Variants in KLHL4 observed in about 807,000 individuals in gnomAD.
KLHL4 encodes the protein kelch-like protein 4.
A neutral mutation model predicts 45.8 loss-of-function variants in KLHL4; 17 were observed. The ratio of observed to expected loss-of-function variants is 0.37; its 90% CI spans 0.25 to 0.56. The LOEUF (loss-of-function observed/expected upper bound fraction) is 0.56. Ranked by LOEUF, KLHL4 falls within the 20% of genes least tolerant of loss-of-function variation. KLHL4 has a pLI of 0.79. For missense variants in KLHL4, 544 were observed against 544.9 expected, an observed-to-expected ratio of 1.00 and a Z score of 0.02; for synonymous variants, 224 against 189.9, an observed-to-expected ratio of 1.18 and a Z score of -1.47.
chrX:87,574,700 T>G (rs370759461), intron 1 of KLHL4, among the ~76,000 whole-genome samples: 1 of 111,688 alleles, frequency 9.0e-6, no homozygotes, highest in East Asian at 2.8e-4. Flanking sequence ...GTGTGTGTAA[T>G]GACTGGAATT....
At chrX:87,625,172 A>G (rs963863315) in intron 5 of KLHL4, among the ~76,000 whole-genome samples, 6 of 112,815 alleles carry the variant, frequency 5.3e-5, no homozygotes, top group African/African-American at 1.9e-4. Context: ...TGTCAATTGA[A>G]TAAATATGCA....
chrX:87,638,892 T>C (rs181572635), intron 9 of KLHL4, among the ~76,000 whole-genome samples: 1 of 111,595 alleles, frequency 9.0e-6, no homozygotes, highest in East Asian at 2.8e-4. Context: ...ACTTAAAAGA[T>C]GTAGAATGGC....
At chrX:87,612,114 G>T (rs968066701) in intron 1 of KLHL4, among the ~76,000 whole-genome samples, 1 of 111,746 alleles carries the variant, frequency 8.9e-6, no homozygotes, top group African/African-American at 3.2e-5. Context: ...TATTATTAAA[G>T]AAAAAGTATT....
Position 87,659,413 on chromosome X carries a change from C to T in KLHL4, c.1926-5351C>T, listed in dbSNP as rs546477460. On this transcript the variant is annotated intron_variant, in intron 9 of 10. Coordinates refer to ENST00000373119, the MANE Select transcript of KLHL4 (RefSeq NM_019117.5). Reference sequence around the variant, plus strand: ...GATTACAGGCATGAGCCAACATGCCCGGCCTCATTTTTCTTTATTCTTTTT... The same window carrying T: ...GATTACAGGCATGAGCCAACATGCCTGGCCTCATTTTTCTTTATTCTTTTT... 1.2e-4 allele frequency among the ~76,000 whole-genome samples: 13 copies of T among 110,414 alleles called. No individual in the cohort carries two copies. In the East Asian group the frequency reaches 1.4e-3, roughly 12 times the overall value.
intron 1 of KLHL4, among the ~76,000 whole-genome samples, chrX:87,541,211 G>A (rs1159720791): frequency 9.1e-6 from 1 of 109,307 alleles, no homozygotes; most frequent in East Asian, 2.9e-4. Flanking sequence ...TTTTGGCCAG[G>A]CACGGTGGTT....
At chrX:87,552,173 TACA>T (rs1931842118) in intron 1 of KLHL4, among the ~76,000 whole-genome samples, 1 of 110,892 alleles carries the variant, frequency 9.0e-6, no homozygotes, top group African/African-American at 3.3e-5. Context: ...ATCCAGAATC[TACA>T]ACAAGCTCAA....
chrX:87,643,946 A>G (rs1274243934), intron 9 of KLHL4, among the ~76,000 whole-genome samples: 1 of 111,575 alleles, frequency 9.0e-6, no homozygotes, highest in East Asian at 2.8e-4. Flanking sequence ...CCAACACAAT[A>G]CTGAATGTGG....
At chrX:87,605,660 A>C (rs1286203847) in intron 1 of KLHL4, among the ~76,000 whole-genome samples, 1 of 111,019 alleles carries the variant, frequency 9.0e-6, no homozygotes, top group Admixed American at 9.6e-5. Context: ...TATATAAGAT[A>C]ATGCCATCTG....
At chrX:87,581,239 G>C (rs1189784252) in intron 1 of KLHL4, among the ~76,000 whole-genome samples, 1 of 112,380 alleles carries the variant, frequency 8.9e-6, no homozygotes, top group Non-Finnish European at 1.9e-5. Flanking sequence ...GGAGTGCCGG[G>C]GGGTGGGGAA....
At chrX:87,651,882 G>A (rs1241606888) in intron 9 of KLHL4, among the ~76,000 whole-genome samples, 1 of 112,408 alleles carries the variant, frequency 8.9e-6, no homozygotes, top group African/African-American at 3.2e-5. Flanking sequence ...ATCTGTGTGG[G>A]GGCTCTGACC....
intron 9 of KLHL4, among the ~76,000 whole-genome samples, chrX:87,647,325 G>A (rs368884567): frequency 8.9e-6 from 1 of 111,735 alleles, no homozygotes; most frequent in East Asian, 2.8e-4. Context: ...AAAACAGTGT[G>A]GAGATTCCTT....
intron 6 of KLHL4, among the ~76,000 whole-genome samples, chrX:87,628,932 G>C (rs1602452644): frequency 8.9e-6 from 1 of 111,830 alleles, no homozygotes; most frequent in Admixed American, 9.5e-5. Flanking sequence ...TTGTTAACTT[G>C]CCAGTTAGTA....
chrX:87,547,919 G>T (rs370317490), intron 1 of KLHL4, among the ~76,000 whole-genome samples: 1 of 111,897 alleles, frequency 8.9e-6, no homozygotes, highest in South Asian at 3.7e-4. Flanking sequence ...TTAAAGAAAA[G>T]GTAGAGATGG....
chrX:87,633,630 T>C (rs751166478), intron 7 of KLHL4, 119 bp from the exon 8 acceptor site: 9 of 499,833 alleles, frequency 1.8e-5, no homozygotes, highest in South Asian at 1.2e-4. Flanking sequence ...TTCATATGTA[T>C]GCAAAATCGT....
At chrX:87,542,647 G>A (rs1419325725) in intron 1 of KLHL4, among the ~76,000 whole-genome samples, 1 of 112,419 alleles carries the variant, frequency 8.9e-6, no homozygotes, top group African/African-American at 3.2e-5. Context: ...TTCTATTTGG[G>A]ATGGGAACAT....
intron 4 of KLHL4, among the ~76,000 whole-genome samples, chrX:87,619,742 C>A (rs186850037): frequency 0.029 from 3,161 of 109,393 alleles, 43 homozygotes; most frequent in Non-Finnish European, 0.042. Flanking sequence ...GTGACCAAAA[C>A]GGAGTGTTGA....
intron 1 of KLHL4, among the ~76,000 whole-genome samples, chrX:87,580,371 C>T (rs768975251): frequency 1.1e-4 from 12 of 107,809 alleles, no homozygotes; most frequent in African/African-American, 4.0e-4. Context: ...TCTTTACCTA[C>T]CAAAAATAAT....
chrX:87,632,808 G>A (rs1294970053), intron 7 of KLHL4, among the ~76,000 whole-genome samples: 2 of 111,576 alleles, frequency 1.8e-5, no homozygotes, highest in Non-Finnish European at 1.9e-5. Flanking sequence ...CCACAGTGGA[G>A]AACTTTGATT....
At position 87,614,532 on chromosome X, in the gene KLHL4, C is replaced by T. The variant is rs2147813918; in HGVS notation, c.689C>T (p.Pro230Leu). 8.3e-7 allele frequency: 1 copy of T among 1,208,291 alleles called. No individual in the cohort carries two copies. The highest frequency in any genetic ancestry group is 1.1e-6 in the Non-Finnish European group (1 of 893,382). ...QEEVRMEGVD[P>L]NALNSLVQYA... ...GAGGTCAGGATGGAAGGAGTAGATC[C>T]AAATGCACTAAATTCCTTGGTGCAG... The change falls in exon 3 of 11, where the codon CCA becomes CTA. Residue 230 changes from proline to leucine, a missense_variant. Transcript: ENST00000373119.
Sources: gnomAD v4.1 joint callset for allele counts (sites outside exome capture counted in the v4.1 genomes callset) on GRCh38, gnomAD v4.1.1 for gene constraint, MANE v1.5 for transcripts, NCBI Gene and HGNC (gene_info 2026-07-23, HGNC 2026-07-21) for gene names.